DPY19L1: variants seen among roughly 807,000 people sequenced by gnomAD.
DPY19L1 encodes the protein protein C-mannosyl-transferase DPY19L1.
In DPY19L1, 35 loss-of-function variants were observed where a neutral mutation model predicts 96.9. That is an observed-to-expected ratio of 0.36 (90% confidence interval 0.28 to 0.48). The LOEUF (loss-of-function observed/expected upper bound fraction) is 0.48. Among genes scored for constraint, DPY19L1 ranks in the 20% least tolerant of loss-of-function variants. The pLI is 0.99. For synonymous variants in DPY19L1, 205 were observed against 252.6 expected, an observed-to-expected ratio of 0.81 and a Z score of 1.79; for missense variants, 521 against 777.9, an observed-to-expected ratio of 0.67 and a Z score of 3.93.
intron 6 of DPY19L1, among the ~76,000 whole-genome samples, chr7:35,005,919 G>C (rs1358285564): frequency 6.6e-6 from 1 of 152,166 alleles, no homozygotes; most frequent in Non-Finnish European, 1.5e-5. Flanking sequence ...CTGAAGGACA[G>C]CAACAGGCAA....
Position 35,010,538 on chromosome 7 carries a change from A to G in DPY19L1, c.694T>C (p.Tyr232His). The change falls in exon 6 of 22, where the codon TAT becomes CAT. Residue 232 changes from tyrosine (Y) to histidine (H), a missense_variant. Coordinates refer to ENST00000638088, the MANE Select transcript of DPY19L1 (RefSeq NM_001366673.1). ...CEGLGDPACF[Y>H]VAVIFILNGL... ...TTTAAAATAAAAATTACAGCAACAT[A>G]AAAGCAAGCAGGATCTCCCAATCCT... 1 of 1,609,936 alleles carries G rather than the reference A, an allele frequency of 6.2e-7. No homozygotes were observed. The highest frequency in any genetic ancestry group is 1.3e-5 in the African/African-American group (1 of 74,852).
intron 3 of DPY19L1, among the ~76,000 whole-genome samples, chr7:35,016,299 G>C (rs1785846802): frequency 6.6e-6 from 1 of 152,142 alleles, no homozygotes; most frequent in Admixed American, 6.6e-5. Context: ...AATAGCTAAA[G>C]ACAGGAAAGT....
intron 10 of DPY19L1, 32 bp downstream of exon 10, chr7:34,966,862 C>T (rs757662070): frequency 1.4e-6 from 2 of 1,480,496 alleles, no homozygotes; most frequent in South Asian, 1.3e-5. Flanking sequence ...TAAGGGCAAA[C>T]TAAATGGAAA....
intron 6 of DPY19L1, among the ~76,000 whole-genome samples, chr7:34,999,123 C>CACA (rs1422642030): frequency 6.6e-6 from 1 of 152,164 alleles, no homozygotes; most frequent in African/African-American, 2.4e-5. Context: ...AGATAGAGCG[C>CACA]ACAAAGTATG....
intron 21 of DPY19L1, among the ~76,000 whole-genome samples, chr7:34,934,693 T>C (rs920554494): frequency 1.3e-5 from 2 of 152,158 alleles, no homozygotes; most frequent in African/African-American, 4.8e-5. Context: ...TAGATTCTCA[T>C]AAGGAGCACG....
chr7:34,957,887 T>C (rs1162757864), intron 11 of DPY19L1, 97 bp downstream of exon 11: 1 of 729,302 alleles, frequency 1.4e-6, no homozygotes, highest in Non-Finnish European at 2.3e-6. Flanking sequence ...TTAAGATGGT[T>C]CCTACAGAAA....
Position 35,013,672 on chromosome 7 carries a change from C to G in DPY19L1, c.445G>C (p.Glu149Gln). The G allele has an allele frequency of 6.2e-7, 1 of 1,604,248 alleles. No individual in the cohort carries two copies. The change falls in exon 4 of 22, where the codon GAA becomes CAA. Residue 149 changes from glutamate to glutamine, a missense_variant. Coordinates refer to ENST00000638088, the MANE Select transcript of DPY19L1 (RefSeq NM_001366673.1). ...LYYSYFKTIV[E>Q]APSFLNGVWM... ...ACTCCATTCAAAAATGAGGGTGCTT[C>G]CACAATAGTCTTGAAATAGGAATAA...
At position 34,931,602 on chromosome 7, in the gene DPY19L1, A is replaced by G. The variant is rs1783754153; in HGVS notation, c.2218T>C (p.Tyr740His). Residue 740 changes from tyrosine to histidine, a missense_variant, in exon 22 of 22, where the codon TAC (tyrosine) becomes CAC (histidine). Tyr to His is a moderately conservative substitution (Grantham distance 83, BLOSUM62 2). Transcript: ENST00000638088. ...HFTTVFQNSV[Y>H]KVLEVVKE is the part of the protein sequence containing the mutation. ...TCTTTTACAACTTCTAGGACTTTGT[A>G]AACACTGTTCTGGAATACAGTGGTG... 4.5e-6 allele frequency: 7 copies of G among 1,551,596 alleles called. No individual in the cohort carries two copies. The highest frequency in any genetic ancestry group is 6.1e-6 in the Non-Finnish European group (7 of 1,154,388).
intron 1 of DPY19L1, among the ~76,000 whole-genome samples, chr7:35,026,971 T>TCA (rs1786134964): frequency 1.3e-5 from 2 of 151,894 alleles, no homozygotes; most frequent in Admixed American, 6.6e-5. Flanking sequence ...CCGAGGCAGG[T>TCA]GGATACCTGA....
intron 1 of DPY19L1, 24 bp from the exon 2 acceptor site, chr7:35,018,620 T>C (rs574243712): frequency 5.6e-6 from 9 of 1,597,346 alleles, no homozygotes; most frequent in Non-Finnish European, 7.7e-6. Flanking sequence ...GAAATTTAAA[T>C]TAGAATTTTA....
chr7:34,939,254 T>C (rs995622002), intron 20 of DPY19L1, 22 bp downstream of exon 20: 23 of 1,595,858 alleles, frequency 1.4e-5, no homozygotes, highest in Non-Finnish European at 2.0e-5. Context: ...TTTGTTTTGA[T>C]GATGCAAGAC....
Position 34,940,157 on chromosome 7 carries a change from T to C in DPY19L1, c.1860A>G (p.Lys620=). 1 of 1,525,754 alleles carries C rather than the reference T, an allele frequency of 6.6e-7. No individual in the cohort carries two copies. Among genetic ancestry groups the C allele is most frequent in the Middle Eastern group, 1.8e-4 (1 of 5,586 alleles). The allele number at this position is 1,525,754 out of a possible 1,614,324, so 94.5% of individuals were successfully genotyped here. The change falls in exon 19 of 22, where the codon AAA becomes AAG. Residue 620 remains lysine (K), a synonymous_variant. Transcript: ENST00000638088. ...ELIEWIKYST[K]PDAVFAGAMP... is the part of the protein sequence containing the mutation. ...TTTTCTTTTTTTTTTTTTTACCTGG[T>C]TTAGTACTATATTTGATCCATTCTA...
At chr7:34,956,114 G>C (rs1157365197) in intron 11 of DPY19L1, among the ~76,000 whole-genome samples, 1 of 152,146 alleles carries the variant, frequency 6.6e-6, no homozygotes, top group Non-Finnish European at 1.5e-5. Flanking sequence ...TCAGTGTGAA[G>C]CATCTAGCAG....
intron 10 of DPY19L1, among the ~76,000 whole-genome samples, chr7:34,964,701 C>G (rs1046694797): frequency 6.6e-6 from 1 of 152,054 alleles, no homozygotes; most frequent in Admixed American, 6.5e-5. Flanking sequence ...TAAAAGTGCT[C>G]AAAGCATGAT....
At chr7:34,980,754 C>A (rs1235684194) in intron 7 of DPY19L1, among the ~76,000 whole-genome samples, 5 of 152,132 alleles carry the variant, frequency 3.3e-5, no homozygotes, top group Admixed American at 1.3e-4. Flanking sequence ...TTTCACTCAT[C>A]AGAATGACTA....
At chr7:35,005,026 T>C (rs985563137) in intron 6 of DPY19L1, among the ~76,000 whole-genome samples, 1 of 152,162 alleles carries the variant, frequency 6.6e-6, no homozygotes, top group African/African-American at 2.4e-5. Context: ...TAATGGGTTA[T>C]TTTGGGGGCA....
chr7:34,982,356 C>T (rs1464629454), intron 7 of DPY19L1, among the ~76,000 whole-genome samples: 2 of 152,156 alleles, frequency 1.3e-5, no homozygotes, highest in African/African-American at 4.8e-5. Context: ...ATCATATCTG[C>T]AGCTCATTTT....
intron 7 of DPY19L1, among the ~76,000 whole-genome samples, chr7:34,978,183 T>C (rs1784868185): frequency 6.6e-6 from 1 of 152,184 alleles, no homozygotes; most frequent in Non-Finnish European, 1.5e-5. Flanking sequence ...TAGTGAGTTA[T>C]AAATTGTGGT....
chr7:35,010,632 A>G, intron 5 of DPY19L1, 71 bp from the exon 6 acceptor site: 2 of 995,508 alleles, frequency 2.0e-6, no homozygotes, highest in Non-Finnish European at 3.1e-6. Flanking sequence ...AGCAATTTAT[A>G]TTAAATTGTG....
Sources: gnomAD v4.1 joint callset for allele counts (sites outside exome capture counted in the v4.1 genomes callset) on GRCh38, gnomAD v4.1.1 for gene constraint, MANE v1.5 for transcripts, NCBI Gene and HGNC (gene_info 2026-07-23, HGNC 2026-07-21) for gene names.